Variants in RNF115 observed in about 807,000 individuals in gnomAD.
RNF115 encodes ring finger protein 115.
In RNF115, 31 loss-of-function variants were observed where a neutral mutation model predicts 39.2. The ratio of observed to expected loss-of-function variants is 0.79; its 90% CI spans 0.59 to 1.07. The LOEUF (loss-of-function observed/expected upper bound fraction) is 1.07, where lower values mean the gene tolerates loss of function less well. Among genes scored for constraint, RNF115 ranks in the 50% least tolerant of loss-of-function variants. RNF115 has a pLI of 0.00. For missense variants in RNF115, 384 were observed against 381.7 expected (o/e 1.01, Z -0.05); for synonymous variants, 124 against 131.0 (o/e 0.95, Z 0.37).
At chr1:145,804,783 AATG>A (rs1553721381) in intron 1 of RNF115, among the ~76,000 whole-genome samples, 1 of 152,184 alleles carries the variant, frequency 6.6e-6, no homozygotes, top group Non-Finnish European at 1.5e-5. Flanking sequence ...TGCTTTAATG[AATG>A]ATTTTTCAGA....
At chr1:145,774,189 C>T (rs1571737571) in intron 3 of RNF115, among the ~76,000 whole-genome samples, 1 of 152,180 alleles carries the variant, frequency 6.6e-6, no homozygotes, top group East Asian at 1.9e-4. Flanking sequence ...CTGACATCAC[C>T]CTGTCATTGT....
At chr1:145,791,103 T>C (rs782553244) in intron 1 of RNF115, among the ~76,000 whole-genome samples, 13 of 151,764 alleles carry the variant, frequency 8.6e-5, no homozygotes, top group African/African-American at 2.2e-4. Flanking sequence ...GATAGTGCCA[T>C]TGCACTTCAG....
intron 6 of RNF115, 24 bp downstream of exon 6, chr1:145,751,414 C>CA: frequency 6.5e-7 from 1 of 1,529,588 alleles, no homozygotes; most frequent in South Asian, 1.2e-5. Flanking sequence ...ACTGAACAGA[C>CA]ACCCTCAAAA....
At chr1:145,789,403 G>GT (rs1159257618) in intron 1 of RNF115, among the ~76,000 whole-genome samples, 12 of 148,786 alleles carry the variant, frequency 8.1e-5, no homozygotes, top group South Asian at 4.3e-4. Context: ...GCCCAGCCTA[G>GT]TTTTTTTTCT....
chr1:145,788,994 A>C, intron 1 of RNF115, 28 bp from the exon 2 acceptor site: 1 of 1,452,330 alleles, frequency 6.9e-7, no homozygotes, highest in Non-Finnish European at 9.6e-7. Context: ...AAACAAATAA[A>C]ACTTTTTCAT....
chr1:145,790,652 G>A (rs587601844), intron 1 of RNF115, among the ~76,000 whole-genome samples: 88 of 151,906 alleles, frequency 5.8e-4, no homozygotes, highest in African/African-American at 2.1e-3. Context: ...GGCTGGTCTC[G>A]AACTCCTGAC....
intron 1 of RNF115, among the ~76,000 whole-genome samples, chr1:145,794,218 C>CT (rs1453618226): frequency 6.6e-6 from 1 of 152,116 alleles, no homozygotes; most frequent in Non-Finnish European, 1.5e-5. Flanking sequence ...AAAGAACCAT[C>CT]TTTTTTAAAG....
intron 4 of RNF115, among the ~76,000 whole-genome samples, chr1:145,759,641 G>A (rs896613185): frequency 2.0e-5 from 3 of 152,036 alleles, no homozygotes; most frequent in Admixed American, 6.6e-5. Context: ...TCTTTGCCTC[G>A]CACACCTCGC....
At chr1:145,789,093 G>A (rs1464049466) in intron 1 of RNF115, 127 bp from the exon 2 acceptor site, 1 of 612,482 alleles carries the variant, frequency 1.6e-6, no homozygotes, top group Non-Finnish European at 2.9e-6. Context: ...GCTGACTCAA[G>A]TAGTTTTTGT....
At chr1:145,765,789 C>T (rs1171561102) in intron 4 of RNF115, among the ~76,000 whole-genome samples, 1 of 152,148 alleles carries the variant, frequency 6.6e-6, no homozygotes, top group Non-Finnish European at 1.5e-5. Flanking sequence ...TTTAGGGACA[C>T]TGAATAAATA....
chr1:145,804,065 TACC>T (rs1202112955), intron 1 of RNF115, among the ~76,000 whole-genome samples: 2 of 152,258 alleles, frequency 1.3e-5, no homozygotes, highest in African/African-American at 4.8e-5. Context: ...CTCTGATGTG[TACC>T]ACAATAGTTT....
Position 145,788,918 on chromosome 1 carries a change from C to T in RNF115, c.151G>A (p.Asp51Asn), listed in dbSNP as rs782401526. The change falls in exon 2 of 9, where the codon GAT (aspartate) becomes AAT (asparagine). Residue 51 changes from aspartate to asparagine, a missense_variant. Physicochemically the swap from Asp to Asn is conservative, Grantham distance 23. Transcript: ENST00000582693. Reference protein sequence around the residue: ...CESGFIEEVTDDSSFLGGGGS... With the variant: ...CESGFIEEVTNDSSFLGGGGS... ...GAGCTTGTACAATACCTGGAATCAT[C>T]TGTCACTTCTTCAATAAAGCCTGAT... 6.3e-7 allele frequency: 1 copy of T among 1,595,944 alleles called. No individual in the cohort carries two copies. The highest frequency in any genetic ancestry group is 2.2e-5 in the East Asian group (1 of 44,792).
At chr1:145,795,647 G>A (rs1222935460) in intron 1 of RNF115, among the ~76,000 whole-genome samples, 2 of 152,130 alleles carry the variant, frequency 1.3e-5, no homozygotes, top group Non-Finnish European at 2.9e-5. Context: ...GAACCAGGCT[G>A]TCAACCACTA....
At chr1:145,768,344 C>A (rs1553715318) in intron 4 of RNF115, among the ~76,000 whole-genome samples, 1 of 152,232 alleles carries the variant, frequency 6.6e-6, no homozygotes, top group Non-Finnish European at 1.5e-5. Context: ...GAAATGAGGT[C>A]TTGCTCTGTC....
Position 145,796,838 on chromosome 1 carries a change from C to T in RNF115, c.103-7872G>A, listed in dbSNP as rs587668400. Among the ~76,000 whole-genome samples the T allele has an allele frequency of 3.9e-5, 6 of 151,942 alleles. No homozygotes were observed. The East Asian group carries it at 1.2e-3, about 29-fold the overall frequency. On this transcript the variant is annotated intron_variant, in intron 1 of 8. Coordinates refer to ENST00000582693, the MANE Select transcript of RNF115 (RefSeq NM_014455.4). ...TTTCTCCCCTTCATTCCCTGGTAAC[C>T]ACCATTCTACCTCTGTTTCTATGAA...
intron 1 of RNF115, among the ~76,000 whole-genome samples, chr1:145,797,459 C>T (rs1246987150): frequency 6.6e-6 from 1 of 152,212 alleles, no homozygotes; most frequent in Non-Finnish European, 1.5e-5. Flanking sequence ...CCTCAAGGTT[C>T]ACCCACACTG....
intron 1 of RNF115, among the ~76,000 whole-genome samples, chr1:145,806,685 G>A (rs1571777734): frequency 6.6e-6 from 1 of 152,098 alleles, no homozygotes; most frequent in Non-Finnish European, 1.5e-5. Flanking sequence ...CTTGCCTTGC[G>A]GAACACCTGC....
At chr1:145,811,883 C>CAAAAAAAAAAAAAA (rs67086842) in intron 1 of RNF115, among the ~76,000 whole-genome samples, 11 of 35,854 alleles carry the variant, frequency 3.1e-4, no homozygotes, top group Admixed American at 4.8e-4. Context: ...TTCTGTCTCA[C>CAAAAAAAAAAAAAA]AAAAAAAAAA....
At chr1:145,754,820 G>A (rs1024908624) in intron 4 of RNF115, among the ~76,000 whole-genome samples, 2 of 151,950 alleles carry the variant, frequency 1.3e-5, no homozygotes, top group East Asian at 1.9e-4. Flanking sequence ...AGAATGCTTC[G>A]TGTTGTTTTA....
Sources: allele counts gnomAD v4.1 joint callset (sites outside exome capture counted in the v4.1 genomes callset), GRCh38; gene constraint gnomAD v4.1.1; transcripts MANE v1.5; gene names NCBI Gene and HGNC (gene_info 2026-07-23, HGNC 2026-07-21).